The following KANSL1 variants were observed in gnomAD, a reference collection of about 807,000 sequenced individuals.
KANSL1 encodes the protein KAT8 regulatory NSL complex subunit 1.
In KANSL1, 22 loss-of-function variants were observed where a neutral mutation model predicts 103.6. The observed-to-expected ratio is 0.21, with a 90% confidence interval of 0.15 to 0.30. The LOEUF is 0.30. Ranked by LOEUF, KANSL1 falls within the 10% of genes least tolerant of loss-of-function variation. The pLI is 1.00. For missense variants in KANSL1, 1,337 were observed against 1,399.8 expected, an observed-to-expected ratio of 0.96 and a Z score of 0.72; for synonymous variants, 600 against 527.6, an observed-to-expected ratio of 1.14 and a Z score of -1.88.
chr17:46,088,180 A>G (rs2079236540), intron 3 of KANSL1, among the ~76,000 whole-genome samples: 2 of 152,220 alleles, frequency 1.3e-5, no homozygotes, highest in Non-Finnish European at 2.9e-5. Flanking sequence ...TCACAGTTAC[A>G]TGCAGCCTTA....
At chr17:46,059,647 A>AAGAGAGAGAGAGAGAGAG (rs56065215) in intron 6 of KANSL1, among the ~76,000 whole-genome samples, 687 of 54,748 alleles carry the variant, frequency 0.013, 33 homozygotes, top group African/African-American at 0.043. Context: ...AAAAAAAAAA[A>AAGAGAGAGAGAGAGAGAG]AGAGAGAGAG....
chr17:46,155,712 A>C (rs1205749378), intron 2 of KANSL1, among the ~76,000 whole-genome samples: 1 of 152,216 alleles, frequency 6.6e-6, no homozygotes, highest in Non-Finnish European at 1.5e-5. Flanking sequence ...AAAACCACAT[A>C]AACACAGAAG....
At chr17:46,057,084 A>C (rs1377518823) in intron 6 of KANSL1, among the ~76,000 whole-genome samples, 1 of 152,242 alleles carries the variant, frequency 6.6e-6, no homozygotes, top group African/African-American at 2.4e-5. Context: ...CACAGTAAAC[A>C]TAAGACTCAG....
chr17:46,103,545 CAG>C (rs1428472843), intron 2 of KANSL1, among the ~76,000 whole-genome samples: 3 of 152,176 alleles, frequency 2.0e-5, no homozygotes, highest in African/African-American at 4.8e-5. Flanking sequence ...TTCTCCAAAT[CAG>C]AGTCAAATAA....
At position 46,203,698 on chromosome 17, in the gene KANSL1, C is replaced by G. The variant is rs1460428783; in HGVS notation, c.-90+19973G>C. 2.6e-5 allele frequency among the ~76,000 whole-genome samples: 4 copies of G among 152,354 alleles called. No individual in the cohort carries two copies. The South Asian group carries it at 8.3e-4, about 32-fold the overall frequency. On this transcript the variant is annotated intron_variant, in intron 1 of 14. Transcript: ENST00000572904. The stretch of plus-strand genomic sequence containing the variant: ...TTTTCTTCTGGACTCTTTTCTGAAG[C>G]TTGCCTAAATCATCCCAGGAATGCT...
intron 2 of KANSL1, among the ~76,000 whole-genome samples, chr17:46,168,462 C>T (rs537137503): frequency 6.6e-6 from 1 of 152,342 alleles, no homozygotes; most frequent in African/African-American, 2.4e-5. Context: ...ATTCTCCTGC[C>T]TCAGCCTCCA....
rs1280901517 is a variant in KANSL1 at position 46,171,488 on chromosome 17, T to C, written c.656A>G (p.His219Arg). Residue 219 changes from histidine (H) to arginine (R), a missense_variant, in exon 2 of 15, where the codon CAC (histidine) becomes CGC (arginine). Physicochemically the swap from His to Arg is conservative, Grantham distance 29 (BLOSUM62 0). Transcript: ENST00000432791. Reference protein sequence around the residue: ...TLPHRSLDVEHTTLYSNNSTA... With the variant: ...TLPHRSLDVERTTLYSNNSTA... The stretch of plus-strand genomic sequence containing the variant: ...GCTATTATTGCTATACAAAGTTGTG[T>C]GTTCTACATCAAGGCTTCTATGTGG... 2 of 1,614,064 alleles carry C rather than the reference T, an allele frequency of 1.2e-6. No homozygotes were observed. The highest frequency in any genetic ancestry group is 3.3e-5 in the Admixed American group (2 of 60,006).
At chr17:46,045,195 A>G (rs893380428) in intron 7 of KANSL1, 4 of 152,134 alleles carry the variant, frequency 2.6e-5, no homozygotes, top group African/African-American at 9.7e-5. Flanking sequence ...CCAAGACTTC[A>G]GGGGGTGTGT....
chr17:46,177,528 T>C (rs2046581096), intron 1 of KANSL1, among the ~76,000 whole-genome samples: 1 of 152,254 alleles, frequency 6.6e-6, no homozygotes, highest in South Asian at 2.1e-4. Context: ...GGCAGAGCTA[T>C]ATTTACTAAC....
chr17:46,211,394 A>G (rs927716249), intron 1 of KANSL1, among the ~76,000 whole-genome samples: 2 of 152,234 alleles, frequency 1.3e-5, no homozygotes, highest in Non-Finnish European at 2.9e-5. Context: ...TGAGCTAAAA[A>G]AGAAAATCTT....
chr17:46,160,192 G>C (rs2045655833), intron 2 of KANSL1, among the ~76,000 whole-genome samples: 1 of 152,080 alleles, frequency 6.6e-6, no homozygotes, highest in African/African-American at 2.4e-5. Flanking sequence ...CATACAGAAA[G>C]GTGTGATCAA....
At chr17:46,065,119 C>A (rs1259540955) in intron 6 of KANSL1, among the ~76,000 whole-genome samples, 1 of 141,406 alleles carries the variant, frequency 7.1e-6, no homozygotes, top group Non-Finnish European at 1.6e-5. Context: ...GGACTACACA[C>A]GCTCGCCCAC....
chr17:46,102,043 T>C (rs919240607), intron 2 of KANSL1, among the ~76,000 whole-genome samples: 2 of 152,064 alleles, frequency 1.3e-5, no homozygotes, highest in African/African-American at 4.8e-5. Context: ...CCACCAAATT[T>C]AAAAAGATGG....
chr17:46,169,661 ACTC>A (rs1161347990), intron 2 of KANSL1: 2 of 152,170 alleles, frequency 1.3e-5, no homozygotes, highest in African/African-American at 4.8e-5. Flanking sequence ...CTCTTTTCCA[ACTC>A]CTCATGCTCT....
chr17:46,089,582 C>T (rs1157319466), intron 3 of KANSL1, among the ~76,000 whole-genome samples: 1 of 147,506 alleles, frequency 6.8e-6, no homozygotes, highest in Admixed American at 6.8e-5. Context: ...AAAAAAAAGA[C>T]CTGTGCAACC....
chr17:46,196,387 G>C (rs554511566), upstream of KANSL1: 21 of 456,350 alleles, frequency 4.6e-5, no homozygotes, highest in Middle Eastern at 3.3e-4. Flanking sequence ...TGAGATGTGA[G>C]TAGAAGCCCC....
At chr17:46,185,308 T>C (rs1310022104) in intron 1 of KANSL1, among the ~76,000 whole-genome samples, 2 of 152,212 alleles carry the variant, frequency 1.3e-5, no homozygotes, top group African/African-American at 4.8e-5. Flanking sequence ...ATCAACCACC[T>C]AACAAGAAGA....
chr17:46,065,100 T>A (rs986835155), intron 6 of KANSL1, among the ~76,000 whole-genome samples: 2 of 151,242 alleles, frequency 1.3e-5, no homozygotes, highest in African/African-American at 4.9e-5. Flanking sequence ...CTCAGCCTCC[T>A]GAGCAAATGG....
At position 46,075,058 on chromosome 17, in the gene KANSL1, C is replaced by G. The variant is rs148536943; in HGVS notation, c.1533+7383G>C. On this transcript the variant is annotated intron_variant, in intron 4 of 14. Coordinates refer to ENST00000432791, the MANE Select transcript of KANSL1 (RefSeq NM_015443.4). ...AAATAACTGACCAGAAATCTTGTAT[C>G]CAAGTAATGAAATACAAAAACTGAG... 5.6e-4 allele frequency among the ~76,000 whole-genome samples: 85 copies of G among 152,044 alleles called. No homozygotes were observed. The East Asian group carries it at 0.014, about 25-fold the overall frequency.
Sources: gnomAD v4.1 joint callset for allele counts (sites outside exome capture counted in the v4.1 genomes callset) on GRCh38, gnomAD v4.1.1 for gene constraint, MANE v1.5 for transcripts, NCBI Gene and HGNC (gene_info 2026-07-23, HGNC 2026-07-21) for gene names.